The following ZSCAN20 variants were observed in gnomAD, a reference collection of about 807,000 sequenced individuals.
The protein encoded by ZSCAN20 is zinc finger and SCAN domain-containing protein 20.
A neutral mutation model predicts 97.1 loss-of-function variants in ZSCAN20; 39 were observed. The ratio of observed to expected loss-of-function variants is 0.40; its 90% confidence interval spans 0.31 to 0.52. The LOEUF (loss-of-function observed/expected upper bound fraction) is 0.52, where lower values mean the gene tolerates loss of function less well. ZSCAN20 is among the 20% of genes least tolerant of loss of function. The pLI is 0.49. For synonymous variants in ZSCAN20, 456 were observed against 467.3 expected (o/e 0.98, Z 0.31); for missense variants, 1,115 against 1,290.4 (o/e 0.86, Z 2.08).
intron 1 of ZSCAN20, among the ~76,000 whole-genome samples, chr1:33,475,835 T>G (rs1455155293): frequency 6.6e-6 from 1 of 151,574 alleles, no homozygotes; most frequent in Non-Finnish European, 1.5e-5. Context: ...ATTTTTTTTT[T>G]TTTTTTGTAT....
intron 4 of ZSCAN20, 61 bp from the exon 5 acceptor site, chr1:33,489,457 G>T: frequency 1.9e-6 from 3 of 1,547,388 alleles, no homozygotes; most frequent in Non-Finnish European, 2.7e-6. Context: ...GCCTGCTAGG[G>T]TTCCTAGGCT....
At chr1:33,485,201 G>C (rs1014892565) in intron 2 of ZSCAN20, among the ~76,000 whole-genome samples, 1 of 152,150 alleles carries the variant, frequency 6.6e-6, no homozygotes, top group African/African-American at 2.4e-5. Context: ...GGCCTCTTCA[G>C]ATTGTTTATT....
intron 2 of ZSCAN20, among the ~76,000 whole-genome samples, chr1:33,486,191 C>G (rs1197352470): frequency 1.3e-5 from 2 of 152,174 alleles, no homozygotes; most frequent in Non-Finnish European, 2.9e-5. Flanking sequence ...AGATTTTTCT[C>G]TGATATTCAC....
At position 33,491,493 on chromosome 1, in the gene ZSCAN20, G is replaced by A. The variant is rs765759984; in HGVS notation, c.1235G>A (p.Arg412Gln). The A allele has an allele frequency of 1.2e-5, 19 of 1,613,896 alleles. No homozygotes were observed. The highest frequency in any genetic ancestry group is 8.0e-5 in the African/African-American group (6 of 74,926). Residue 412 changes from arginine to glutamine, a missense_variant, in exon 6 of 8, where the codon CGG (arginine) becomes CAG (glutamine). Arg to Gln is a conservative substitution (Grantham distance 43, BLOSUM62 1). Around this residue, in one of 3 missense-constraint regions of ZSCAN20, gnomAD observed 508 missense variants for 611.2 expected, o/e 0.83. Coordinates refer to ENST00000684572, the MANE Select transcript of ZSCAN20 (RefSeq NM_001377376.1). This position sits in a 1 kb window ranked among gnomAD's most constrained non-coding sequence, Gnocchi z 4.3. ...YEELEALVRARTAIRATDGPG... is the reference protein window; with the variant it reads ...YEELEALVRAQTAIRATDGPG... ...GAGCTGGAGGCCCTGGTCAGGGCTCGGACAGCCATCAGAGCCACAGATGGC... is the reference window on the plus strand; with the variant it reads ...GAGCTGGAGGCCCTGGTCAGGGCTCAGACAGCCATCAGAGCCACAGATGGC...
intron 2 of ZSCAN20, among the ~76,000 whole-genome samples, chr1:33,484,089 CAGA>C (rs756488075): frequency 1.3e-5 from 2 of 152,150 alleles, no homozygotes; most frequent in Non-Finnish European, 2.9e-5. Flanking sequence ...TATTAGTTCC[CAGA>C]AGTTTTTTTT....
chr1:33,488,239 C>G (rs1413561435), intron 2 of ZSCAN20, among the ~76,000 whole-genome samples: 3 of 152,102 alleles, frequency 2.0e-5, no homozygotes. Context: ...CAGTGGGACT[C>G]TCATTGAAAC....
intron 2 of ZSCAN20, among the ~76,000 whole-genome samples, chr1:33,483,618 G>A (rs967637262): frequency 6.6e-6 from 1 of 150,602 alleles, no homozygotes. Context: ...TGGGTGGATT[G>A]CTTGAGCCCA....
chr1:33,475,770 C>T (rs1435051417), intron 1 of ZSCAN20, among the ~76,000 whole-genome samples: 2 of 152,000 alleles, frequency 1.3e-5, no homozygotes, highest in Admixed American at 6.5e-5. Context: ...AGCAATTCTC[C>T]TGCCTCAGCC....
At chr1:33,487,679 A>G (rs754385639) in intron 2 of ZSCAN20, among the ~76,000 whole-genome samples, 1 of 152,072 alleles carries the variant, frequency 6.6e-6, no homozygotes, top group Non-Finnish European at 1.5e-5. Context: ...TTCTCACTCC[A>G]TTGTCCAGGC....
chr1:33,473,562 T>C (rs1159119662), intron 1 of ZSCAN20, among the ~76,000 whole-genome samples: 1 of 152,148 alleles, frequency 6.6e-6, no homozygotes, highest in East Asian at 1.9e-4. Flanking sequence ...AAGGTTTTCC[T>C]CGTTTCCTGG....
At position 33,495,769 on chromosome 1, in the gene ZSCAN20, G is replaced by A. The variant is rs897736233; in HGVS notation, c.*293G>A. ...TATTTGAGCCAAACTGGCAACTTAC[G>A]AGATTAGAGTTAAATCAGTGGTCCT... On this transcript the variant is annotated 3_prime_UTR_variant, in exon 8 of 8. Coordinates refer to ENST00000684572, the MANE Select transcript of ZSCAN20 (RefSeq NM_001377376.1). The A allele has an allele frequency of 4.3e-5, 10 of 233,630 alleles. No homozygotes were observed. The highest frequency in any genetic ancestry group is 2.0e-4 in the Admixed American group (4 of 19,946). The allele number at this position is 233,630 out of a possible 1,614,324, so 14.5% of individuals were successfully genotyped here.
In ZSCAN20 at chr1:33,495,175, C is replaced by G; in HGVS notation, c.2831C>G (p.Ser944Cys). The G allele has an allele frequency of 6.2e-7, 1 of 1,614,054 alleles. No individual in the cohort carries two copies. Among genetic ancestry groups the G allele is most frequent in the Non-Finnish European group, 8.5e-7 (1 of 1,179,980 alleles). Residue 944 changes from serine (S) to cysteine (C), a missense_variant, in exon 8 of 8, where the codon TCC (serine) becomes TGC (cysteine). Coordinates refer to ENST00000684572, the MANE Select transcript of ZSCAN20 (RefSeq NM_001377376.1). ...TGTGGGAAGTGCTTCAGTGAGCGCTCCAAGCTCATCACACACCAGAGAGTG... is the reference window on the plus strand; with the variant it reads ...TGTGGGAAGTGCTTCAGTGAGCGCTGCAAGCTCATCACACACCAGAGAGTG... ...VDCGKCFSERSKLITHQRVHT... is the reference protein window; with the variant it reads ...VDCGKCFSERCKLITHQRVHT...
chr1:33,498,119 A>G lies in ZSCAN20; in HGVS notation c.*2643A>G, dbSNP rs568697394. Among the ~76,000 whole-genome samples the G allele has an allele frequency of 6.6e-6, 1 of 152,258 alleles. No individual in the cohort carries two copies. The highest frequency in any genetic ancestry group is 1.9e-4 in the East Asian group (1 of 5,174). ...TCTAGACCATTCCCCACTCCCACCCACTACCATCATGTTCTGGACCCTGTC... is the reference window on the plus strand; with the variant it reads ...TCTAGACCATTCCCCACTCCCACCCGCTACCATCATGTTCTGGACCCTGTC... On this transcript the variant is annotated 3_prime_UTR_variant, in exon 8 of 8. Coordinates refer to ENST00000684572, the MANE Select transcript of ZSCAN20 (RefSeq NM_001377376.1).
At position 33,494,847 on chromosome 1, in the gene ZSCAN20, C is replaced by T. The variant is rs1011339189; in HGVS notation, c.2503C>T (p.Pro835Ser). The change falls in exon 8 of 8, where the codon CCA becomes TCA. Residue 835 changes from proline (P) to serine (S), a missense_variant. Pro to Ser is a moderately conservative substitution (Grantham distance 74). Transcript: ENST00000684572. ...GCCTGGGGGAAACTTTGCCCAAAGC[C>T]CATCTTTTAGTGCTCACTGGAGGAA... ...SEPGGNFAQS[P>S]SFSAHWRNST... 3 of 1,613,998 alleles carry T rather than the reference C, an allele frequency of 1.9e-6. No homozygotes were observed. In the African/African-American group the frequency reaches 4.0e-5, roughly 22 times the overall value.
chr1:33,479,769 G>A (rs1244924168), intron 2 of ZSCAN20, 64 bp downstream of exon 2: 84 of 1,399,574 alleles, frequency 6.0e-5, no homozygotes, highest in Admixed American at 3.0e-5. Context: ...TTGTGACTAC[G>A]TTAATAATTG....
chr1:33,491,181 G>C lies in ZSCAN20; in HGVS notation c.923G>C (p.Trp308Ser). The C allele has an allele frequency of 6.2e-7, 1 of 1,614,208 alleles. No individual in the cohort carries two copies. The highest frequency in any genetic ancestry group is 1.1e-5 in the South Asian group (1 of 91,080). The change falls in exon 6 of 8, where the codon TGG (tryptophan) becomes TCG (serine). Residue 308 changes from tryptophan to serine, a missense_variant. Transcript: ENST00000684572. This position sits in a 1 kb window ranked among gnomAD's most constrained non-coding sequence, Gnocchi z 4.3. The part of the protein sequence containing the change: ...QALTWRDSRA[W>S]EEQYQWDVED... ...TTGACCTGGAGGGATTCAAGAGCCTGGGAGGAACAATACCAGTGGGATGTG... is the reference window on the plus strand; with the variant it reads ...TTGACCTGGAGGGATTCAAGAGCCTCGGAGGAACAATACCAGTGGGATGTG...
rs753412540 is a variant in ZSCAN20, at chr1:33,479,594, C to T, written c.306C>T (p.Ile102=). The change falls in exon 2 of 8, where the codon ATC becomes ATT. Residue 102 remains isoleucine (I), a synonymous_variant. Transcript: ENST00000684572. ...ELLVLEQFLT[I]LPREVQTWVQ... is the part of the protein sequence containing the mutation. ...TCGTGCTGGAGCAGTTCCTGACTAT[C>T]TTGCCTAGGGAGGTCCAGACCTGGG... 4.3e-6 allele frequency: 7 copies of T among 1,613,712 alleles called. No individual in the cohort carries two copies.
chr1:33,494,280 C>T lies in ZSCAN20; in HGVS notation c.1936C>T (p.Pro646Ser). The T allele has an allele frequency of 2.5e-6, 4 of 1,612,376 alleles. No individual in the cohort carries two copies. Among genetic ancestry groups the T allele is most frequent in the Non-Finnish European group, 3.4e-6 (4 of 1,179,216 alleles). The change falls in exon 8 of 8, where the codon CCT (proline) becomes TCT (serine). Residue 646 changes from proline to serine, a missense_variant. Around this residue, in one of 3 missense-constraint regions of ZSCAN20, gnomAD observed 554 missense variants for 584.9 expected, o/e 0.95. Transcript: ENST00000684572. ...AGAGCAGGACATTTTTGAGGGTTTG[C>T]CTGGAGCCTTATCAAAATGTCCTAC... ...ISEQDIFEGL[P>S]GALSKCPTEA...
In ZSCAN20 at chr1:33,495,538, T is replaced by G; in HGVS notation, c.*62T>G. Reference sequence around the variant, plus strand: ...TATATATCTTATATCATAAGATGTATGCTAGAGATAAACTTTCCAATTTTT... The same window carrying G: ...TATATATCTTATATCATAAGATGTAGGCTAGAGATAAACTTTCCAATTTTT... On this transcript the variant is annotated 3_prime_UTR_variant, in exon 8 of 8. Transcript: ENST00000684572. The G allele has an allele frequency of 7.3e-7, 1 of 1,366,588 alleles. No individual in the cohort carries two copies. The highest frequency in any genetic ancestry group is 1.9e-4 in the Middle Eastern group (1 of 5,170). The allele number at this position is 1,366,588 out of a possible 1,614,324, so 84.7% of individuals were successfully genotyped here. A position where few individuals can be genotyped will look rare whatever the true frequency, so the allele number is the denominator to read the frequency against.
Sources: allele counts gnomAD v4.1 joint callset (sites outside exome capture counted in the v4.1 genomes callset), GRCh38; gene constraint gnomAD v4.1.1; regional missense constraint gnomAD v4.1.1; non-coding constraint Gnocchi (gnomAD v3.1); transcripts MANE v1.5; gene names NCBI Gene and HGNC (gene_info 2026-07-23, HGNC 2026-07-21).